NCKAP5: variants seen among roughly 807,000 people sequenced by gnomAD.
NCKAP5 encodes the protein NCK associated protein 5.
A neutral mutation model predicts 167.0 loss-of-function variants in NCKAP5; 92 were observed. The observed-to-expected ratio is 0.55, with a 90% confidence interval of 0.47 to 0.66. The LOEUF is 0.66. Among genes scored for constraint, NCKAP5 ranks in the 30% least tolerant of loss-of-function variants. The probability of loss-of-function intolerance (pLI) is 0.00; values close to 1 mark genes in which losing one functional copy is unlikely to be tolerated. For missense variants in NCKAP5, 2,378 were observed against 2,315.0 expected (o/e 1.03, Z -0.56); for synonymous variants, 891 against 877.4 (o/e 1.02, Z -0.27).
the NCKAP5 span, among the ~76,000 whole-genome samples, chr2:133,639,735 A>G: frequency 6.6e-6 from 1 of 152,256 alleles, no homozygotes; most frequent in Middle Eastern, 3.4e-3. Flanking sequence ...GTACCTCTGG[A>G]AAGGCTGTGC....
chr2:133,307,181 A>G (rs1680839948), intron 3 of NCKAP5, among the ~76,000 whole-genome samples: 1 of 152,222 alleles, frequency 6.6e-6, no homozygotes, highest in Non-Finnish European at 1.5e-5. Context: ...AATAAACAGT[A>G]GAATTGACAA....
rs558000575 is a variant in NCKAP5 at position 133,128,400 on chromosome 2, T to C, written c.341+1578A>G. ...CTATATCTGGTCCCAAGGCTGTAAA[T>C]GCACAGTTTTCTGGGGGATTCCTCC... On this transcript the variant is annotated intron_variant, in intron 6 of 19. Coordinates refer to ENST00000409261, the MANE Select transcript of NCKAP5 (RefSeq NM_207363.3). Among the ~76,000 whole-genome samples the C allele has an allele frequency of 2.0e-5, 3 of 152,350 alleles. No homozygotes were observed. The South Asian group carries it at 6.2e-4, about 32-fold the overall frequency.
chr2:133,664,278 G>A, the NCKAP5 span, among the ~76,000 whole-genome samples: 1 of 152,192 alleles, frequency 6.6e-6, no homozygotes, highest in Non-Finnish European at 1.5e-5. Context: ...CATAGGCAGG[G>A]TAGATTTAGC....
At chr2:132,845,495 T>A (rs1400615460) in intron 11 of NCKAP5, among the ~76,000 whole-genome samples, 1 of 152,198 alleles carries the variant, frequency 6.6e-6, no homozygotes. Context: ...CCAATTATTA[T>A]CATTTTCAAA....
intron 3 of NCKAP5, among the ~76,000 whole-genome samples, chr2:133,439,846 CTAA>C (rs1451011591): frequency 6.6e-6 from 1 of 152,122 alleles, no homozygotes; most frequent in East Asian, 1.9e-4. Context: ...GTTTTATGGA[CTAA>C]TAATTGTGAT....
chr2:132,961,246 TA>T (rs1253971127), intron 8 of NCKAP5, among the ~76,000 whole-genome samples: 5 of 151,230 alleles, frequency 3.3e-5, no homozygotes, highest in African/African-American at 7.3e-5. Context: ...TATTTTAAAA[TA>T]AAAAAAATTA....
intron 6 of NCKAP5, among the ~76,000 whole-genome samples, chr2:133,051,784 T>A (rs554320435): frequency 6.3e-4 from 96 of 152,370 alleles, no homozygotes; most frequent in African/African-American, 2.1e-3. Flanking sequence ...CAAAAATGTT[T>A]AAGCATGGGT....
In NCKAP5 at chr2:133,341,559, C is replaced by T. The variant is rs138873987; in HGVS notation, c.70-38449G>A. Among the ~76,000 whole-genome samples, 1,130 of 152,252 alleles carry T rather than the reference C, an allele frequency of 7.4e-3. 16 individuals are homozygous for T. Among genetic ancestry groups the T allele is most frequent in the African/African-American group, 0.024 (982 of 41,550 alleles). ...TTCTTGATATCAAGCTCAGTGAGTA[C>T]CAAAATATGTTCTCTTATCAATCTG... On this transcript the variant is annotated intron_variant, in intron 3 of 19. Coordinates refer to ENST00000409261, the MANE Select transcript of NCKAP5 (RefSeq NM_207363.3).
intron 3 of NCKAP5, among the ~76,000 whole-genome samples, chr2:133,383,331 T>C (rs1686667464): frequency 1.3e-5 from 2 of 152,190 alleles, no homozygotes; most frequent in South Asian, 4.1e-4. Context: ...TTTTTTGTTC[T>C]TGCGATCGTA....
intron 3 of NCKAP5, among the ~76,000 whole-genome samples, chr2:133,383,075 T>A (rs965242222): frequency 3.9e-5 from 6 of 152,170 alleles, no homozygotes; most frequent in Non-Finnish European, 7.3e-5. Context: ...AAAAAAATTT[T>A]TTTATTATAC....
chr2:132,791,377 G>A (rs1684058871), intron 12 of NCKAP5, among the ~76,000 whole-genome samples: 1 of 152,148 alleles, frequency 6.6e-6, no homozygotes, highest in African/African-American at 2.4e-5. Context: ...TTAGTGGAAG[G>A]TTCAAGCTGT....
At chr2:132,877,692 T>C (rs376239797) in intron 9 of NCKAP5, among the ~76,000 whole-genome samples, 31 of 152,316 alleles carry the variant, frequency 2.0e-4, no homozygotes, top group African/African-American at 7.2e-4. Flanking sequence ...AAGAGTTATA[T>C]ACGGCGTTAC....
chr2:132,686,917 G>A (rs10198820), intron 19 of NCKAP5, among the ~76,000 whole-genome samples: 6,739 of 152,138 alleles, frequency 0.044, 478 homozygotes, highest in African/African-American at 0.15. Flanking sequence ...TGTAAACCAA[G>A]GTTCTTGAAA....
At chr2:132,693,149 C>T (rs188177305) in intron 19 of NCKAP5, among the ~76,000 whole-genome samples, 97 of 152,324 alleles carry the variant, frequency 6.4e-4, no homozygotes, top group African/African-American at 2.2e-3. Context: ...TCATTCATTT[C>T]TCTATCCTTC....
intron 11 of NCKAP5, among the ~76,000 whole-genome samples, chr2:132,827,848 G>C (rs1476852542): frequency 3.3e-5 from 5 of 152,120 alleles, no homozygotes; most frequent in Non-Finnish European, 5.9e-5. Context: ...TTTCAGCTGA[G>C]TTGCTGAGAT....
intron 3 of NCKAP5, among the ~76,000 whole-genome samples, chr2:133,422,028 A>C (rs1385681092): frequency 6.6e-6 from 1 of 152,246 alleles, no homozygotes; most frequent in Non-Finnish European, 1.5e-5. Context: ...CACTCCCCAG[A>C]TTCTAGTGGA....
chr2:133,350,404 C>A (rs753609026), intron 3 of NCKAP5, among the ~76,000 whole-genome samples: 7 of 151,996 alleles, frequency 4.6e-5, no homozygotes, highest in Non-Finnish European at 8.8e-5. Context: ...CAAAGAAAGA[C>A]CCTGTCTCTA....
At chr2:133,610,065 T>C in the NCKAP5 span, among the ~76,000 whole-genome samples, 2 of 152,170 alleles carry the variant, frequency 1.3e-5, no homozygotes, top group Non-Finnish European at 2.9e-5. Flanking sequence ...TCCTGCTTTC[T>C]TGGGTCTCCT....
intron 16 of NCKAP5, among the ~76,000 whole-genome samples, chr2:132,767,855 G>C (rs1220945237): frequency 6.6e-6 from 1 of 152,232 alleles, no homozygotes; most frequent in Non-Finnish European, 1.5e-5. Flanking sequence ...AATAGATTGG[G>C]GTGGCAGGAT....
Sources: allele counts gnomAD v4.1 joint callset (sites outside exome capture counted in the v4.1 genomes callset), GRCh38; gene constraint gnomAD v4.1.1; transcripts MANE v1.5; gene names NCBI Gene and HGNC (gene_info 2026-07-23, HGNC 2026-07-21).